GRM4: variants seen among roughly 807,000 people sequenced by gnomAD.
GRM4 encodes metabotropic glutamate receptor 4.
Under a neutral mutation model 81.7 loss-of-function variants are expected in GRM4, and 28 were observed. The observed-to-expected ratio is 0.34, with a 90% CI of 0.25 to 0.47. The LOEUF is 0.47. GRM4 is among the 20% of genes least tolerant of loss of function. The pLI, the probability that GRM4 is intolerant of heterozygous loss-of-function variation, is 1.00. For missense variants in GRM4, 948 were observed against 1,290.0 expected, an observed-to-expected ratio of 0.73 and a Z score of 4.06; for synonymous variants, 488 against 528.8, an observed-to-expected ratio of 0.92 and a Z score of 1.06.
rs1316370791 is a variant in GRM4 at position 34,133,614 on chromosome 6, C to T, written c.-118G>A. 6 of 1,457,918 alleles carry T rather than the reference C, an allele frequency of 4.1e-6. No homozygotes were observed. Among genetic ancestry groups the T allele is most frequent in the Non-Finnish European group, 5.4e-6 (6 of 1,113,032 alleles). The allele number at this position is 1,457,918 out of a possible 1,614,324, so 90.3% of individuals were successfully genotyped here. On this transcript the variant is annotated 5_prime_UTR_variant, in exon 2 of 11. Coordinates refer to ENST00000538487, the MANE Select transcript of GRM4 (RefSeq NM_000841.4). The surrounding 1 kb of genome is among the most constrained non-coding windows in gnomAD (Gnocchi z 6.5). ...GCTTCAGCAGCAGGGGGACTGAGGG[C>T]AGCCAACCGCGTAGCCCATGCTGCT...
rs1765393248 is a variant in GRM4, at chr6:34,047,019, C to T, written c.1169-6271G>A. Among the ~76,000 whole-genome samples, 2 of 152,150 alleles carry T rather than the reference C, an allele frequency of 1.3e-5. No homozygotes were observed. Among genetic ancestry groups the T allele is most frequent in the Non-Finnish European group, 2.9e-5 (2 of 68,016 alleles). ...ACATGGCTCTGACTCTTGGCTGGGC[C>T]ATGGCCCAGCTATACACTCTAGGCC... is the stretch of plus-strand genomic sequence containing the variant. On this transcript the variant is annotated intron_variant, in intron 6 of 10. Transcript: ENST00000538487. This position sits in a 1 kb window ranked among gnomAD's most constrained non-coding sequence, Gnocchi z 4.5.
At chr6:34,131,039 A>G (rs1319120194) in intron 2 of GRM4, among the ~76,000 whole-genome samples, 2 of 152,184 alleles carry the variant, frequency 1.3e-5, no homozygotes, top group Non-Finnish European at 2.9e-5. Context: ...AGGAGGGCTG[A>G]AGTGATGACT....
At chr6:34,054,084 C>T (rs1395654853) in intron 6 of GRM4, 1 of 152,132 alleles carries the variant, frequency 6.6e-6, no homozygotes, top group Non-Finnish European at 1.5e-5. Context: ...TCATCAATCC[C>T]GTTGCTCAGA....
At chr6:34,030,576 C>T (rs1764363929) in intron 9 of GRM4, among the ~76,000 whole-genome samples, 1 of 152,208 alleles carries the variant, frequency 6.6e-6, no homozygotes, top group African/African-American at 2.4e-5. Flanking sequence ...GCACCAGATG[C>T]CCCTCCATGA....
At chr6:34,131,739 C>G (rs1005314289) in intron 2 of GRM4, among the ~76,000 whole-genome samples, 1 of 152,156 alleles carries the variant, frequency 6.6e-6, no homozygotes, top group Non-Finnish European at 1.5e-5. Flanking sequence ...GAAAGAGTCC[C>G]GGTGAGAGTG....
At chr6:34,076,787 C>T (rs1767334597) in intron 3 of GRM4, among the ~76,000 whole-genome samples, 1 of 152,164 alleles carries the variant, frequency 6.6e-6, no homozygotes, top group East Asian at 1.9e-4. Flanking sequence ...AAGAAGTCCC[C>T]ACCCCACCCC....
intron 2 of GRM4, among the ~76,000 whole-genome samples, chr6:34,119,549 G>A (rs1769720995): frequency 6.6e-6 from 1 of 152,212 alleles, no homozygotes; most frequent in Non-Finnish European, 1.5e-5. Flanking sequence ...CTCTCTGGCA[G>A]GAGGGCAATG....
intron 1 of GRM4, among the ~76,000 whole-genome samples, chr6:34,137,042 A>C (rs1378423257): frequency 6.6e-6 from 1 of 152,156 alleles, no homozygotes; most frequent in Non-Finnish European, 1.5e-5. Context: ...CCTTCTTTAA[A>C]GTCCTTGCCC....
At chr6:34,100,639 G>A (rs1403042885) in intron 2 of GRM4, among the ~76,000 whole-genome samples, 2 of 152,242 alleles carry the variant, frequency 1.3e-5, no homozygotes, top group East Asian at 1.9e-4. Flanking sequence ...GCGGACATCC[G>A]AGTGGGAGAG....
chr6:34,143,284 A>G (rs78907911), intron 1 of GRM4, among the ~76,000 whole-genome samples: 4,351 of 152,072 alleles, frequency 0.029, 165 homozygotes, highest in African/African-American at 0.083. Flanking sequence ...TGGAGGCACC[A>G]TCCTCAAAGC....
chr6:34,150,810 G>T (rs1429551725), upstream of GRM4, among the ~76,000 whole-genome samples: 3 of 152,328 alleles, frequency 2.0e-5, no homozygotes, highest in Admixed American at 2.0e-4. Context: ...AGAAGCCAGA[G>T]TGAAATTCCT....
At chr6:34,145,608 G>A (rs944664258) in intron 1 of GRM4, among the ~76,000 whole-genome samples, 2 of 152,192 alleles carry the variant, frequency 1.3e-5, no homozygotes, top group East Asian at 1.9e-4. Context: ...GAGAGGGAGC[G>A]AGAGACGAGA....
intron 2 of GRM4, among the ~76,000 whole-genome samples, chr6:34,129,881 C>A (rs1019454276): frequency 3.3e-5 from 5 of 152,208 alleles, no homozygotes; most frequent in Non-Finnish European, 5.9e-5. Context: ...TGAGTGCCCC[C>A]ACACCCAGGG....
At chr6:34,124,998 T>C (rs914928690) in intron 2 of GRM4, among the ~76,000 whole-genome samples, 5 of 151,692 alleles carry the variant, frequency 3.3e-5, no homozygotes, top group South Asian at 2.1e-4. Context: ...TTCTGAGACA[T>C]AGTCTCGCTC....
At chr6:34,024,511 T>G (rs1454004342) in intron 10 of GRM4, 1 of 372,742 alleles carries the variant, frequency 2.7e-6, no homozygotes, top group African/African-American at 2.1e-5. Flanking sequence ...GCAGTGTAAC[T>G]GGAAGCCCAC....
rs758055680 is a variant in GRM4 at position 34,061,945 on chromosome 6, C to T, written c.820G>A (p.Glu274Lys). Residue 274 changes from glutamate to lysine, a missense_variant, in exon 4 of 11, where the codon GAG (glutamate) becomes AAG (lysine). Coordinates refer to ENST00000538487, the MANE Select transcript of GRM4 (RefSeq NM_000841.4). ...ATGACTGCCCTGGCGTTCGAAGTCT[C>T]CAGGAGGCGGCGGATGATCTTGTCG... ...EFDKIIRRLL[E>K]TSNARAVIIF... 6.2e-7 allele frequency: 1 copy of T among 1,613,944 alleles called. No individual in the cohort carries two copies. Among genetic ancestry groups the T allele is most frequent in the South Asian group, 1.1e-5 (1 of 91,036 alleles).
chr6:34,027,454 G>A (rs116423221), intron 10 of GRM4, among the ~76,000 whole-genome samples: 100 of 152,214 alleles, frequency 6.6e-4, no homozygotes, highest in African/African-American at 2.0e-3. Context: ...GGGTCTCCCC[G>A]GACAGTCCCC....
chr6:34,023,973 C>G (rs905948474), intron 10 of GRM4, among the ~76,000 whole-genome samples: 1 of 152,198 alleles, frequency 6.6e-6, no homozygotes, highest in Non-Finnish European at 1.5e-5. Flanking sequence ...TGGAGAGAAG[C>G]AGTGGGTGGG....
intron 2 of GRM4, among the ~76,000 whole-genome samples, chr6:34,095,143 C>G (rs568358526): frequency 6.6e-6 from 1 of 152,146 alleles, no homozygotes; most frequent in Admixed American, 6.5e-5. Context: ...AGCCCCGGAC[C>G]CCTGATTTCA....
Sources: allele counts gnomAD v4.1 joint callset (sites outside exome capture counted in the v4.1 genomes callset), GRCh38; gene constraint gnomAD v4.1.1; non-coding constraint Gnocchi (gnomAD v3.1); transcripts MANE v1.5; gene names NCBI Gene and HGNC (gene_info 2026-07-23, HGNC 2026-07-21).